The following GSTCD variants were observed in gnomAD, a reference collection of about 807,000 sequenced individuals.
GSTCD encodes glutathione S-transferase C-terminal domain-containing protein.
Under a neutral mutation model 68.3 loss-of-function variants are expected in GSTCD, and 44 were observed. The observed-to-expected ratio is 0.64, with a 90% confidence interval of 0.51 to 0.83. The LOEUF is 0.83. Ranked by LOEUF, GSTCD falls within the 40% of genes least tolerant of loss-of-function variation. The pLI, the probability that GSTCD is intolerant of heterozygous loss-of-function variation, is 0.00. For synonymous variants in GSTCD, 273 were observed against 255.2 expected (o/e 1.07, Z -0.67); for missense variants, 739 against 735.9 (o/e 1.00, Z -0.05).
At chr4:105,809,989 C>G (rs1248006347) in intron 5 of GSTCD, among the ~76,000 whole-genome samples, 1 of 151,852 alleles carries the variant, frequency 6.6e-6, no homozygotes, top group Non-Finnish European at 1.5e-5. Flanking sequence ...AGATGCTAAC[C>G]TAGTTTTTTT....
At chr4:105,822,266 C>G (rs1474483502) in intron 5 of GSTCD, among the ~76,000 whole-genome samples, 1 of 151,912 alleles carries the variant, frequency 6.6e-6, no homozygotes, top group East Asian at 1.9e-4. Flanking sequence ...TGGAAATGCC[C>G]TATCCTGAAT....
rs1361799976 is a variant in GSTCD at position 105,729,487 on chromosome 4, A to G, written c.1228A>G (p.Ser410Gly). 6.2e-7 allele frequency: 1 copy of G among 1,610,030 alleles called. No homozygotes were observed. Among genetic ancestry groups the G allele is most frequent in the South Asian group, 1.1e-5 (1 of 90,372 alleles). The change falls in exon 5 of 12, where the codon AGC becomes GGC. Residue 410 changes from serine (S) to glycine (G), a missense_variant. Transcript: ENST00000515279. ...LDWNVLPAAV[S>G]PKEGKMSSDR... ...TTGGAATGTTCTCCCTGCAGCAGTCAGCCCAAAGGAAGGTGAGTTTTCTTT... is the reference window on the plus strand; with the variant it reads ...TTGGAATGTTCTCCCTGCAGCAGTCGGCCCAAAGGAAGGTGAGTTTTCTTT...
chr4:105,743,433 C>T (rs1733701940), intron 5 of GSTCD, among the ~76,000 whole-genome samples: 1 of 152,022 alleles, frequency 6.6e-6, no homozygotes, highest in African/African-American at 2.4e-5. Flanking sequence ...TTTATTTAAA[C>T]TTCCCAAATT....
chr4:105,712,616 A>C (rs565991288), intron 1 of GSTCD: 1 of 152,344 alleles, frequency 6.6e-6, no homozygotes, highest in East Asian at 1.9e-4. Context: ...AGTGGAGGAA[A>C]ATAGTTAATA....
chr4:105,830,913 C>A (rs896869471), intron 8 of GSTCD, among the ~76,000 whole-genome samples: 3 of 152,144 alleles, frequency 2.0e-5, no homozygotes, highest in African/African-American at 7.2e-5. Flanking sequence ...AAGCTCTTCT[C>A]TCCTAGTAGA....
At chr4:105,823,461 A>C in intron 7 of GSTCD, 186 bp downstream of exon 7, 1 of 463,538 alleles carries the variant, frequency 2.2e-6, no homozygotes, top group Non-Finnish European at 3.8e-6. Context: ...AAGTAAAGTA[A>C]GATCATAAAA....
At chr4:105,782,926 A>T (rs1293830124) in intron 5 of GSTCD, among the ~76,000 whole-genome samples, 1 of 152,206 alleles carries the variant, frequency 6.6e-6, no homozygotes, top group African/African-American at 2.4e-5. Context: ...ATGTATTTTT[A>T]AAAATAACTA....
chr4:105,806,517 A>T (rs576240548), intron 5 of GSTCD, among the ~76,000 whole-genome samples: 2 of 152,204 alleles, frequency 1.3e-5, no homozygotes, highest in South Asian at 4.1e-4. Context: ...CCTATCAATT[A>T]AAAAGAATAT....
At chr4:105,720,875 T>C (rs1261588926) in intron 3 of GSTCD, among the ~76,000 whole-genome samples, 1 of 152,200 alleles carries the variant, frequency 6.6e-6, no homozygotes, top group Non-Finnish European at 1.5e-5. Context: ...GAAAGTGGCA[T>C]ATCCATTCCT....
intron 10 of GSTCD, among the ~76,000 whole-genome samples, chr4:105,841,198 C>A (rs1724322603): frequency 1.3e-5 from 2 of 151,926 alleles, no homozygotes; most frequent in African/African-American, 4.8e-5. Context: ...GTGGCGTGCG[C>A]CTGTAGTGCC....
At chr4:105,734,316 A>C (rs1187591193) in intron 5 of GSTCD, among the ~76,000 whole-genome samples, 1 of 152,236 alleles carries the variant, frequency 6.6e-6, no homozygotes, top group Non-Finnish European at 1.5e-5. Context: ...CGTCACTTTC[A>C]GGTAAACCAA....
intron 1 of GSTCD, among the ~76,000 whole-genome samples, chr4:105,714,158 GC>G (rs1343411471): frequency 6.6e-6 from 1 of 151,928 alleles, no homozygotes; most frequent in Non-Finnish European, 1.5e-5. Flanking sequence ...TATTCATTCG[GC>G]AAGATTCCCA....
At chr4:105,795,639 G>C (rs777268921) in intron 5 of GSTCD, among the ~76,000 whole-genome samples, 1 of 152,012 alleles carries the variant, frequency 6.6e-6, no homozygotes, top group Non-Finnish European at 1.5e-5. Context: ...AATCCACCTG[G>C]CAACAATTGG....
intron 2 of GSTCD, among the ~76,000 whole-genome samples, chr4:105,718,422 T>A (rs1478017332): frequency 6.6e-6 from 1 of 152,184 alleles, no homozygotes; most frequent in Non-Finnish European, 1.5e-5. Context: ...TCTCTCCCCA[T>A]GTGACATGCC....
At position 105,783,985 on chromosome 4, in the gene GSTCD, T is replaced by C. The variant is rs551724321; in HGVS notation, c.1241-38969T>C. ...TGGGGCAGGAATACTACAGAAGTGA[T>C]GCACCACAGAAAAGGCATGGGATGT... is the stretch of plus-strand genomic sequence containing the variant. On this transcript the variant is annotated intron_variant, in intron 5 of 11. Transcript: ENST00000515279. Among the ~76,000 whole-genome samples the C allele has an allele frequency of 1.1e-4, 17 of 152,342 alleles. No individual in the cohort carries two copies. The South Asian group carries it at 3.3e-3, about 30-fold the overall frequency.
chr4:105,709,012 A>C lies in GSTCD; in HGVS notation c.-26A>C, dbSNP rs1412195779. 6.6e-6 allele frequency: 1 copy of C among 152,558 alleles called. No homozygotes were observed. The highest frequency in any genetic ancestry group is 1.5e-5 in the Non-Finnish European group (1 of 68,048). The allele number at this position is 152,558 out of a possible 1,614,324, so 9.5% of individuals were successfully genotyped here. On this transcript the variant is annotated 5_prime_UTR_variant, in exon 1 of 12. Coordinates refer to ENST00000515279, the MANE Select transcript of GSTCD (RefSeq NM_001370181.1). ...CTCCCTGCCTGGCCGCGCCTCTGCG[A>C]CCAGGTAAAGAGGGCGCTCGGGCCG...
At chr4:105,725,461 T>C (rs1469911389) in intron 3 of GSTCD, among the ~76,000 whole-genome samples, 7 of 152,162 alleles carry the variant, frequency 4.6e-5, no homozygotes, top group Admixed American at 2.0e-4. Context: ...CAGCAGTAAA[T>C]GAGAGTTCCT....
rs115895977 is a variant in GSTCD at position 105,810,057 on chromosome 4, G to A, written c.1241-12897G>A. 5.8e-3 allele frequency among the ~76,000 whole-genome samples: 883 copies of A among 151,896 alleles called. 9 individuals are homozygous for A. Among genetic ancestry groups the A allele is most frequent in the African/African-American group, 0.021 (852 of 41,454 alleles). ...AATCATTCATTTATGAATTTTAAAGGCCATCAATACAAAGTATTTATTTTA... is the reference window on the plus strand; with the variant it reads ...AATCATTCATTTATGAATTTTAAAGACCATCAATACAAAGTATTTATTTTA... On this transcript the variant is annotated intron_variant, in intron 5 of 11. Transcript: ENST00000515279.
At chr4:105,744,826 T>C (rs1260419437) in intron 5 of GSTCD, among the ~76,000 whole-genome samples, 4 of 152,232 alleles carry the variant, frequency 2.6e-5, no homozygotes, top group Non-Finnish European at 5.9e-5. Flanking sequence ...AGTATGCTCA[T>C]TGTTAATGAA....
Sources: allele counts gnomAD v4.1 joint callset (sites outside exome capture counted in the v4.1 genomes callset), GRCh38; gene constraint gnomAD v4.1.1; transcripts MANE v1.5; gene names NCBI Gene and HGNC (gene_info 2026-07-23, HGNC 2026-07-21).